Variants in ANKRD30BL observed in about 807,000 individuals in gnomAD.
ANKRD30BL encodes the protein ankyrin repeat domain 30B like.
In ANKRD30BL, 20 loss-of-function variants were observed where a neutral mutation model predicts 18.4. The ratio of observed to expected loss-of-function variants is 1.09; its 90% CI spans 0.77 to 1.58. The LOEUF (loss-of-function observed/expected upper bound fraction) is 1.58, where lower values mean the gene tolerates loss of function less well. Ranked by LOEUF, ANKRD30BL falls within the 40% of genes most tolerant of loss-of-function variation. The pLI, the probability that ANKRD30BL is intolerant of heterozygous loss-of-function variation, is 0.00. For synonymous variants in ANKRD30BL, 72 were observed against 100.9 expected (o/e 0.71, Z 1.72); for missense variants, 224 against 268.6 (o/e 0.83, Z 1.16).
rs199988895 is a variant in ANKRD30BL at position 132,198,459 on chromosome 2, T to G, written n.442-41313A>C. 1.5e-4 allele frequency among the ~76,000 whole-genome samples: 22 copies of G among 150,890 alleles called. No individual in the cohort carries two copies. In the East Asian group the frequency reaches 2.4e-3, roughly 16 times the overall value. On this transcript the variant is annotated intron_variant and non_coding_transcript_variant, in intron 1 of 4. Transcript: ENST00000470729. ...CTGCCTCAGCTTCCTGAGTAGCTGG[T>G]ACTACAGGCATCCGCCACCATGCCC...
intron 1 of ANKRD30BL, among the ~76,000 whole-genome samples, chr2:132,233,694 G>C (rs200755683): frequency 6.8e-6 from 1 of 147,932 alleles, no homozygotes; most frequent in Non-Finnish European, 1.5e-5. Context: ...AGCAAGTCCT[G>C]AGTGACCTAC....
intron 1 of ANKRD30BL, among the ~76,000 whole-genome samples, chr2:132,224,345 T>C (rs143273117): frequency 2.0e-5 from 3 of 152,170 alleles, no homozygotes; most frequent in African/African-American, 7.2e-5. Flanking sequence ...AGAATCTTCT[T>C]TGTGATGTTC....
intron 1 of ANKRD30BL, among the ~76,000 whole-genome samples, chr2:132,234,110 C>G (rs1305790498): frequency 6.6e-6 from 1 of 152,098 alleles, no homozygotes; most frequent in African/African-American, 2.4e-5. Flanking sequence ...GCTATGAAGG[C>G]AGAAATAAAG....
intron 1 of ANKRD30BL, among the ~76,000 whole-genome samples, chr2:132,182,670 A>G (rs1348259352): frequency 2.0e-5 from 3 of 152,148 alleles, no homozygotes; most frequent in South Asian, 4.1e-4. Flanking sequence ...CTTGATCTAT[A>G]AGTCTAAAAA....
Position 132,194,393 on chromosome 2 carries a change from G to C in ANKRD30BL, n.442-37247C>G, listed in dbSNP as rs185552134. On this transcript the variant is annotated intron_variant and non_coding_transcript_variant, in intron 1 of 4. Coordinates refer to the ANKRD30BL transcript ENST00000470729. The stretch of plus-strand genomic sequence containing the variant: ...AATCAGACAGCATAAGTCAGCGACA[G>C]CCTGGCTTTAGCCTTCTGTCTCTGG... Among the ~76,000 whole-genome samples the C allele has an allele frequency of 3.3e-5, 5 of 152,368 alleles. No individual in the cohort carries two copies. The East Asian group carries it at 9.6e-4, about 29-fold the overall frequency.
chr2:132,250,707 T>C (rs1238893222), intron 1 of ANKRD30BL, among the ~76,000 whole-genome samples: 1 of 152,234 alleles, frequency 6.6e-6, no homozygotes, highest in Non-Finnish European at 1.5e-5. Context: ...TCTGTTCTTT[T>C]GCTCCTCAGA....
chr2:132,221,209 C>CT (rs1679667694), intron 1 of ANKRD30BL, among the ~76,000 whole-genome samples: 1 of 144,288 alleles, frequency 6.9e-6, no homozygotes, highest in Non-Finnish European at 1.5e-5. Flanking sequence ...GTCAGCCCCC[C>CT]GCCCGGCCAG....
intron 1 of ANKRD30BL, among the ~76,000 whole-genome samples, chr2:132,231,972 A>C (rs1680032318): frequency 6.6e-6 from 1 of 152,224 alleles, no homozygotes; most frequent in Non-Finnish European, 1.5e-5. Context: ...TTCTCCCAGC[A>C]TGCAGCTGGA....
chr2:132,224,914 C>G (rs1339130147), intron 1 of ANKRD30BL, among the ~76,000 whole-genome samples: 1 of 151,952 alleles, frequency 6.6e-6, no homozygotes. Flanking sequence ...GTTTGAAACA[C>G]TCTTTGCAGA....
At chr2:132,247,305 C>CAAA (rs1434204855) in intron 1 of ANKRD30BL, among the ~76,000 whole-genome samples, 3 of 148,420 alleles carry the variant, frequency 2.0e-5, no homozygotes, top group African/African-American at 7.4e-5. Flanking sequence ...GGCCTATGGT[C>CAAA]AAAAAGGAAA....
At chr2:132,187,264 G>A (rs1349438910) in intron 1 of ANKRD30BL, among the ~76,000 whole-genome samples, 1 of 146,418 alleles carries the variant, frequency 6.8e-6, no homozygotes, top group Non-Finnish European at 1.5e-5. Flanking sequence ...CGTGATCTCG[G>A]CTTGCTGTAA....
chr2:132,175,927 T>C (rs1688360999), intron 1 of ANKRD30BL, among the ~76,000 whole-genome samples: 1 of 152,142 alleles, frequency 6.6e-6, no homozygotes, highest in Non-Finnish European at 1.5e-5. Flanking sequence ...AGTTACAGAT[T>C]AACAGCATCT....
chr2:132,248,356 CGAAA>C (rs1680557280), intron 1 of ANKRD30BL, among the ~76,000 whole-genome samples: 1 of 151,988 alleles, frequency 6.6e-6, no homozygotes, highest in African/African-American at 2.4e-5. Flanking sequence ...ACTGCTCAAT[CGAAA>C]GAAAGATTCA....
At chr2:132,198,948 G>T (rs747449697) in intron 1 of ANKRD30BL, among the ~76,000 whole-genome samples, 22 of 152,100 alleles carry the variant, frequency 1.4e-4, no homozygotes, top group Non-Finnish European at 2.5e-4. Context: ...TTTCATTTGT[G>T]TATTTTCTTT....
At chr2:132,199,534 T>G (rs1414934730) in intron 1 of ANKRD30BL, among the ~76,000 whole-genome samples, 5 of 151,926 alleles carry the variant, frequency 3.3e-5, no homozygotes, top group Non-Finnish European at 7.4e-5. Flanking sequence ...TTTGAGACAG[T>G]CTCGCTCTGT....
At chr2:132,160,842 A>T (rs1688038046) in intron 1 of ANKRD30BL, among the ~76,000 whole-genome samples, 1 of 151,808 alleles carries the variant, frequency 6.6e-6, no homozygotes, top group African/African-American at 2.4e-5. Context: ...CAGCGTGTGT[A>T]ATTTTAAAAA....
chr2:132,201,453 A>AAAAC (rs746829665), intron 1 of ANKRD30BL, among the ~76,000 whole-genome samples: 1 of 151,906 alleles, frequency 6.6e-6, no homozygotes, highest in Admixed American at 6.6e-5. Flanking sequence ...TTACAAGAAA[A>AAAAC]AAACAACCCC....
intron 1 of ANKRD30BL, among the ~76,000 whole-genome samples, chr2:132,254,434 T>A (rs62164988): frequency 1.4e-5 from 2 of 141,118 alleles, no homozygotes; most frequent in South Asian, 2.3e-4. Context: ...CTTCTCAGCG[T>A]TCCGCCAGGG....
At chr2:132,203,251 G>C (rs1679144448) in intron 1 of ANKRD30BL, among the ~76,000 whole-genome samples, 1 of 152,258 alleles carries the variant, frequency 6.6e-6, no homozygotes, top group African/African-American at 2.4e-5. Flanking sequence ...TCAGAAAATT[G>C]GTTCTAACTT....
Sources: allele counts gnomAD v4.1 joint callset (sites outside exome capture counted in the v4.1 genomes callset), GRCh38; gene constraint gnomAD v4.1.1; transcripts MANE v1.5; gene names NCBI Gene and HGNC (gene_info 2026-07-23, HGNC 2026-07-21).